The following EIF5A2 variants were observed in gnomAD, a reference collection of about 807,000 sequenced individuals.
EIF5A2 encodes the protein eukaryotic translation initiation factor 5A2.
A neutral mutation model predicts 16.4 loss-of-function variants in EIF5A2; 15 were observed. The ratio of observed to expected loss-of-function variants is 0.92; its 90% CI spans 0.61 to 1.41. The LOEUF is 1.41. EIF5A2 is among the 40% of genes most tolerant of loss of function. The pLI, the probability that EIF5A2 is intolerant of heterozygous loss-of-function variation, is 0.00. For missense variants in EIF5A2, 144 were observed against 189.5 expected (o/e 0.76, Z 1.41); for synonymous variants, 48 against 61.1 (o/e 0.79, Z 1.00).
intron 3 of EIF5A2, among the ~76,000 whole-genome samples, chr3:170,902,018 C>T (rs1458841268): frequency 1.3e-5 from 2 of 152,144 alleles, no homozygotes; most frequent in African/African-American, 4.8e-5. Context: ...ACCCATCAAG[C>T]CACACAACTG....
At chr3:170,900,619 A>G (rs777092471) in intron 3 of EIF5A2, among the ~76,000 whole-genome samples, 7 of 152,206 alleles carry the variant, frequency 4.6e-5, no homozygotes, top group Non-Finnish European at 1.0e-4. Flanking sequence ...GGACACTAAC[A>G]ACAATGGATT....
At chr3:170,904,795 C>A (rs1384508199) in intron 3 of EIF5A2, among the ~76,000 whole-genome samples, 2 of 152,130 alleles carry the variant, frequency 1.3e-5, no homozygotes, top group African/African-American at 4.8e-5. Context: ...CAGAGAAATA[C>A]TGAATACTTT....
Position 170,907,803 on chromosome 3 carries a change from C to A in EIF5A2, c.4G>T (p.Ala2Ser). MADEIDFTTGDA... is the reference protein window; with the variant it reads MSDEIDFTTGDA... ...CCAGTAGTGAAATCAATTTCGTCTGCCATGGTGGGCAGGGGAGATGGTAGT... is the reference window on the plus strand; with the variant it reads ...CCAGTAGTGAAATCAATTTCGTCTGACATGGTGGGCAGGGGAGATGGTAGT... The change falls in exon 2 of 5, where the codon GCA (alanine) becomes TCA (serine). Residue 2 changes from alanine (A) to serine (S), a missense_variant. By Grantham distance (99) the Ala-to-Ser change is moderately conservative (BLOSUM62 1). Coordinates refer to ENST00000295822, the MANE Select transcript of EIF5A2 (RefSeq NM_020390.6). 6.5e-7 allele frequency: 1 copy of A among 1,537,680 alleles called. No individual in the cohort carries two copies. The highest frequency in any genetic ancestry group is 1.8e-5 in the Admixed American group (1 of 56,102).
At chr3:170,900,739 G>A (rs1712788493) in intron 3 of EIF5A2, among the ~76,000 whole-genome samples, 2 of 152,156 alleles carry the variant, frequency 1.3e-5, no homozygotes, top group African/African-American at 4.8e-5. Context: ...ACCTTAAAGG[G>A]AAAGAGTCAA....
At chr3:170,893,538 G>T in intron 4 of EIF5A2, 119 bp from the exon 5 acceptor site, 1 of 1,025,618 alleles carries the variant, frequency 9.8e-7, no homozygotes. Flanking sequence ...TCTGAAAGGG[G>T]TATTCCAAAA....
chr3:170,903,535 C>T (rs1712862327), intron 3 of EIF5A2, among the ~76,000 whole-genome samples: 1 of 152,130 alleles, frequency 6.6e-6, no homozygotes, highest in African/African-American at 2.4e-5. Context: ...TCATGATTAC[C>T]CTTAATGATC....
chr3:170,894,211 A>G (rs1267759487), intron 4 of EIF5A2, 81 bp downstream of exon 4: 2 of 1,445,848 alleles, frequency 1.4e-6, no homozygotes, highest in Admixed American at 3.7e-5. Context: ...CACATTCCAT[A>G]TGTAGTATTT....
intron 3 of EIF5A2, among the ~76,000 whole-genome samples, chr3:170,901,676 G>A (rs1170319478): frequency 2.6e-5 from 4 of 151,662 alleles, no homozygotes; most frequent in Admixed American, 6.6e-5. Flanking sequence ...TCCTGATCTC[G>A]TGATCCGCCT....
At chr3:170,893,504 G>A in intron 4 of EIF5A2, 85 bp from the exon 5 acceptor site, 1 of 1,439,214 alleles carries the variant, frequency 6.9e-7, no homozygotes. Context: ...TTGTATATTT[G>A]TGGATATTTT....
chr3:170,900,311 G>A (rs1319969461), intron 3 of EIF5A2, among the ~76,000 whole-genome samples: 1 of 146,634 alleles, frequency 6.8e-6, no homozygotes, highest in African/African-American at 2.5e-5. Flanking sequence ...AGGTTGTAGT[G>A]AGCTGAGATC....
rs1002910580 is a variant in EIF5A2 at position 170,890,285 on chromosome 3, T to C, written c.*3075A>G. On this transcript the variant is annotated 3_prime_UTR_variant, in exon 5 of 5. Coordinates refer to ENST00000295822, the MANE Select transcript of EIF5A2 (RefSeq NM_020390.6). Reference sequence around the variant, plus strand: ...AAAGTTATGTGCGCACATGTGCACATGCAAATTGCATTGTAATGAAAAATT... The same window carrying C: ...AAAGTTATGTGCGCACATGTGCACACGCAAATTGCATTGTAATGAAAAATT... 2.6e-5 allele frequency: 4 copies of C among 152,178 alleles called. No homozygotes were observed. Among genetic ancestry groups the C allele is most frequent in the Non-Finnish European group, 4.4e-5 (3 of 67,984 alleles). The allele number at this position is 152,178 out of a possible 1,614,324, so 9.4% of individuals were successfully genotyped here. A position where few individuals can be genotyped will look rare whatever the true frequency, so the allele number is the denominator to read the frequency against.
intron 3 of EIF5A2, among the ~76,000 whole-genome samples, chr3:170,896,305 A>C (rs945303189): frequency 6.6e-6 from 1 of 152,256 alleles, no homozygotes; most frequent in Non-Finnish European, 1.5e-5. Context: ...TATTAAATAC[A>C]ATTAGTTTTC....
chr3:170,901,472 G>A (rs1712812623), intron 3 of EIF5A2, among the ~76,000 whole-genome samples: 2 of 152,158 alleles, frequency 1.3e-5, no homozygotes, highest in South Asian at 4.1e-4. Context: ...ACTGAAAAGG[G>A]GGAATTATTG....
chr3:170,896,295 T>C (rs1336901073), intron 3 of EIF5A2, among the ~76,000 whole-genome samples: 3 of 152,210 alleles, frequency 2.0e-5, no homozygotes, highest in African/African-American at 4.8e-5. Flanking sequence ...TAAATTGCTA[T>C]ATTAAATACA....
At position 170,894,372 on chromosome 3, in the gene EIF5A2, C is replaced by T. The variant is rs1402626963; in HGVS notation, c.322G>A (p.Val108Ile). The stretch of plus-strand genomic sequence containing the variant: ...TCTGGCAGTTTAAGATCCTCACGAA[C>T]TTCACCAGTTTCTGTCAGCAGGGAA... Reference protein sequence around the residue: ...YLSLLTETGEVREDLKLPEGE... With the variant: ...YLSLLTETGEIREDLKLPEGE... The change falls in exon 4 of 5, where the codon GTT (valine) becomes ATT (isoleucine). Residue 108 changes from valine (V) to isoleucine (I), a missense_variant. Physicochemically the swap from Val to Ile is conservative, Grantham distance 29. Coordinates refer to ENST00000295822, the MANE Select transcript of EIF5A2 (RefSeq NM_020390.6). The T allele has an allele frequency of 5.0e-6, 8 of 1,613,936 alleles. No homozygotes were observed. The Admixed American group carries it at 1.3e-4, about 27-fold the overall frequency.
intron 3 of EIF5A2, among the ~76,000 whole-genome samples, chr3:170,897,172 G>T (rs2108293375): frequency 6.6e-6 from 1 of 152,318 alleles, no homozygotes; most frequent in Middle Eastern, 3.4e-3. Flanking sequence ...TCTGAAACTG[G>T]AGCTCATGTT....
chr3:170,906,315 A>G (rs546464262), intron 3 of EIF5A2, among the ~76,000 whole-genome samples: 18 of 152,340 alleles, frequency 1.2e-4, no homozygotes, highest in African/African-American at 4.1e-4. Flanking sequence ...AATACTTCAA[A>G]CAACAAAATG....
intron 3 of EIF5A2, among the ~76,000 whole-genome samples, chr3:170,902,988 C>T (rs191965880): frequency 6.6e-6 from 1 of 152,258 alleles, no homozygotes; most frequent in African/African-American, 2.4e-5. Context: ...GATCTGACTA[C>T]AGCCACTACT....
chr3:170,902,550 C>T (rs565006718), intron 3 of EIF5A2, among the ~76,000 whole-genome samples: 39 of 149,480 alleles, frequency 2.6e-4, no homozygotes, highest in African/African-American at 9.1e-4. Flanking sequence ...GTTACAGGTG[C>T]CTGCCACCAC....
Sources: allele counts gnomAD v4.1 joint callset (sites outside exome capture counted in the v4.1 genomes callset), GRCh38; gene constraint gnomAD v4.1.1; transcripts MANE v1.5; gene names NCBI Gene and HGNC (gene_info 2026-07-23, HGNC 2026-07-21).